The following PNPLA6 variants were observed in gnomAD, a reference collection of about 807,000 sequenced individuals.
The protein encoded by PNPLA6 is patatin-like phospholipase domain-containing protein 6.
PNPLA6 carries 105 observed loss-of-function variants against 153.7 expected under a neutral mutation model. The observed-to-expected ratio is 0.68, with a 90% CI of 0.58 to 0.80. The LOEUF (loss-of-function observed/expected upper bound fraction) is 0.80, where lower values mean the gene tolerates loss of function less well. Among genes scored for constraint, PNPLA6 ranks in the 30% least tolerant of loss-of-function variants. The pLI is 0.00. For missense variants in PNPLA6, 1,423 were observed against 1,919.3 expected (o/e 0.74, Z 4.83); for synonymous variants, 825 against 822.2 (o/e 1.00, Z -0.06).
chr19:7,557,975 G>T (rs528299967), intron 27 of PNPLA6, among the ~76,000 whole-genome samples: 63 of 152,286 alleles, frequency 4.1e-4, no homozygotes, highest in African/African-American at 1.4e-3. Context: ...GGCAGGTAGG[G>T]CTTACACACA....
At chr19:7,544,146 T>C (rs2023284808) in intron 13 of PNPLA6, among the ~76,000 whole-genome samples, 2 of 146,448 alleles carry the variant, frequency 1.4e-5, no homozygotes, top group South Asian at 4.4e-4. Context: ...AGTCTTGCTG[T>C]TGTCACCCAG....
upstream of PNPLA6, chr19:7,535,048 G>C (rs2022779434): frequency 5.9e-6 from 1 of 168,190 alleles, no homozygotes; most frequent in African/African-American, 2.4e-5. This position sits in a 1 kb window ranked among gnomAD's most constrained non-coding sequence, Gnocchi z 5.0. Context: ...CCGTTTTCCT[G>C]GGGTGGGGCA....
At chr19:7,542,730 C>G (rs764976882) in intron 11 of PNPLA6, 31 bp from the exon 12 acceptor site, 8 of 1,612,686 alleles carry the variant, frequency 5.0e-6, no homozygotes, top group Non-Finnish European at 6.8e-6. Context: ...TGGGAGGGAG[C>G]ATCAGGAGGT....
At chr19:7,550,467 G>T in intron 15 of PNPLA6, 38 bp downstream of exon 15, 1 of 1,612,354 alleles carries the variant, frequency 6.2e-7, no homozygotes, top group Middle Eastern at 1.7e-4. Context: ...CCGGCCTAGG[G>T]GTGGGGACCT....
chr19:7,544,106 C>T (rs969029309), intron 13 of PNPLA6, among the ~76,000 whole-genome samples: 1 of 150,624 alleles, frequency 6.6e-6, no homozygotes, highest in African/African-American at 2.4e-5. Flanking sequence ...AGCCACTGCG[C>T]CCGGCCTTTT....
At chr19:7,550,842 C>T in intron 16 of PNPLA6, 152 bp from the exon 17 acceptor site, 1 of 897,894 alleles carries the variant, frequency 1.1e-6, no homozygotes, top group South Asian at 1.6e-5. Context: ...TCTCCCTCTC[C>T]CCAGAGCTCT....
In PNPLA6 at chr19:7,542,552, T is replaced by C. The variant is rs780231524; in HGVS notation, c.1253-9T>C. 4 of 1,604,162 alleles carry C rather than the reference T, an allele frequency of 2.5e-6. No homozygotes were observed. In the Admixed American group the frequency reaches 6.7e-5, roughly 27 times the overall value. ...TTATGGTTTTTGTTGCCCCCCTGCC[T>C]GCCTGCAGGCTTGCAGGGTGGCCCC... On this transcript the variant is annotated splice_polypyrimidine_tract_variant and intron_variant, in intron 10 of 31. Coordinates refer to ENST00000600737, the MANE Select transcript of PNPLA6 (RefSeq NM_001166114.2).
chr19:7,549,728 C>A, intron 13 of PNPLA6, 179 bp from the exon 14 acceptor site: 4 of 651,658 alleles, frequency 6.1e-6, no homozygotes, highest in Non-Finnish European at 8.2e-6. Context: ...CTCAAGTGAT[C>A]CCCCCTGCCT....
intron 13 of PNPLA6, among the ~76,000 whole-genome samples, chr19:7,547,762 A>C (rs1365875936): frequency 6.6e-6 from 1 of 150,804 alleles, no homozygotes; most frequent in South Asian, 2.1e-4. Flanking sequence ...CTCAGCCTCC[A>C]GAGTAGCCAG....
intron 13 of PNPLA6, 47 bp downstream of exon 13, chr19:7,543,131 C>T (rs759814506): frequency 3.8e-5 from 57 of 1,513,990 alleles, no homozygotes; most frequent in South Asian, 1.6e-4. Context: ...AGATCATTCC[C>T]TATGACTTCT....
At chr19:7,554,395 G>A in intron 20 of PNPLA6, 123 bp downstream of exon 20, 2 of 1,227,052 alleles carry the variant, frequency 1.6e-6, no homozygotes, top group Admixed American at 1.7e-5. Flanking sequence ...ATAGGTCAAT[G>A]GGGAGATTCG....
In PNPLA6 at chr19:7,555,562, T is replaced by C. The variant is rs755047013; in HGVS notation, c.2937-45T>C. On this transcript the variant is annotated intron_variant, in intron 23 of 31. Transcript: ENST00000600737. This position sits in a 1 kb window ranked among gnomAD's most constrained non-coding sequence, Gnocchi z 6.3. ...GAGGAGGTAGGGGCAGGGGAGTTCC[T>C]GCAGGTGGGGCCTAGCGGGTCACTG... The C allele has an allele frequency of 1.9e-5, 31 of 1,603,100 alleles. No homozygotes were observed. Among genetic ancestry groups the C allele is most frequent in the African/African-American group, 2.7e-5 (2 of 74,678 alleles).
chr19:7,535,886 C>T lies in PNPLA6; in HGVS notation c.98C>T (p.Ser33Leu). ...FQDVLAPGEG[S>L]AGRICGAQPV... Reference sequence around the variant, plus strand: ...GACGTCCTGGCGCCCGGGGAAGGCTCGGCGGGACGGATTTGCGGTGCGCAG... The same window carrying T: ...GACGTCCTGGCGCCCGGGGAAGGCTTGGCGGGACGGATTTGCGGTGCGCAG... The change falls in exon 1 of 32, where the codon TCG becomes TTG. Residue 33 changes from serine (S) to leucine (L), a missense_variant. Transcript: ENST00000600737. This position sits in a 1 kb window ranked among gnomAD's most constrained non-coding sequence, Gnocchi z 5.0. The T allele has an allele frequency of 6.5e-7, 1 of 1,545,604 alleles. No homozygotes were observed. The highest frequency in any genetic ancestry group is 8.7e-7 in the Non-Finnish European group (1 of 1,150,976).
At chr19:7,542,297 A>G (rs1385661542) in intron 10 of PNPLA6, among the ~76,000 whole-genome samples, 1 of 152,190 alleles carries the variant, frequency 6.6e-6, no homozygotes, top group African/African-American at 2.4e-5. Context: ...GCAGTGGCCC[A>G]TGGCACATTG....
rs938349720 is a variant in PNPLA6 at position 7,541,742 on chromosome 19, G to C, written c.1168+58G>C. 1 of 1,518,530 alleles carries C rather than the reference G, an allele frequency of 6.6e-7. No individual in the cohort carries two copies. Among genetic ancestry groups the C allele is most frequent in the South Asian group, 1.2e-5 (1 of 84,206 alleles). 94.1% of individuals were successfully genotyped at this position (1,518,530 alleles called of 1,614,324 possible). A position where few individuals can be genotyped will look rare whatever the true frequency, so the allele number is the denominator to read the frequency against. The stretch of plus-strand genomic sequence containing the variant: ...TCTCCCAGGAAGCCCCGTCTCAGCC[G>C]CCAGCCCCTTTTTCAGTTCTGCATA... On this transcript the variant is annotated intron_variant, in intron 9 of 31. Transcript: ENST00000600737. This position sits in a 1 kb window ranked among gnomAD's most constrained non-coding sequence, Gnocchi z 5.2.
rs149373820 is a variant in PNPLA6, at chr19:7,540,512, T to C, written c.715-118T>C. On this transcript the variant is annotated intron_variant, in intron 5 of 31. Transcript: ENST00000600737. This position sits in a 1 kb window ranked among gnomAD's most constrained non-coding sequence, Gnocchi z 6.8. ...GGGAGATGCCTGCTCGTTGGAAGGG[T>C]TGGTGGGTTCCCCTGAGAAGGGATG... 4 of 1,036,922 alleles carry C rather than the reference T, an allele frequency of 3.9e-6. No individual in the cohort carries two copies. The African/African-American group carries it at 4.7e-5, about 12-fold the overall frequency. 64.2% of individuals were successfully genotyped at this position (1,036,922 alleles called of 1,614,324 possible).
chr19:7,537,028 A>AGACATGCT (rs1044362137), intron 3 of PNPLA6, among the ~76,000 whole-genome samples: 1 of 151,546 alleles, frequency 6.6e-6, no homozygotes, highest in Non-Finnish European at 1.5e-5. Flanking sequence ...CTTCCACACC[A>AGACATGCT]GACATGCTGT....
chr19:7,557,551 A>G, intron 27 of PNPLA6: 1 of 490,244 alleles, frequency 2.0e-6, no homozygotes, highest in Non-Finnish European at 3.9e-6. Flanking sequence ...GGGAGGCCTG[A>G]GGTGGGTGGA....
In PNPLA6 at chr19:7,553,999, C is replaced by A; in HGVS notation, c.2385C>A (p.His795Gln). 1 of 1,611,948 alleles carries A rather than the reference C, an allele frequency of 6.2e-7. No homozygotes were observed. The highest frequency in any genetic ancestry group is 8.5e-7 in the Non-Finnish European group (1 of 1,179,180). Residue 795 changes from histidine (H) to glutamine (Q), a missense_variant, in exon 19 of 32, where the codon CAC becomes CAA. Physicochemically the swap from His to Gln is conservative, Grantham distance 24 (BLOSUM62 0). This residue lies in a region of PNPLA6 where 643 missense variants were observed against 835.2 expected (regional missense o/e 0.77). Transcript: ENST00000600737. ...TGGCCTTCACGCTGGAGCTGCAGCA[C>A]GCCCTGCAGGCCATCGGTCAGTGGG... Reference protein sequence around the residue: ...PMVAFTLELQHALQAIGPTLL... With the variant: ...PMVAFTLELQQALQAIGPTLL...
Sources: allele counts gnomAD v4.1 joint callset (sites outside exome capture counted in the v4.1 genomes callset), GRCh38; gene constraint gnomAD v4.1.1; regional missense constraint gnomAD v4.1.1; non-coding constraint Gnocchi (gnomAD v3.1); transcripts MANE v1.5; gene names NCBI Gene and HGNC (gene_info 2026-07-23, HGNC 2026-07-21).